The following TEX2 variants were observed in gnomAD, a reference collection of about 807,000 sequenced individuals.
TEX2 encodes testis expressed 2, also known as testis-expressed protein 2.
A neutral mutation model predicts 106.9 loss-of-function variants in TEX2; 53 were observed. That is an observed-to-expected ratio of 0.50 (90% CI 0.40 to 0.62). TEX2 has a LOEUF of 0.62. Among genes scored for constraint, TEX2 ranks in the 20% least tolerant of loss-of-function variants. The pLI, the probability that TEX2 is intolerant of heterozygous loss-of-function variation, is 0.00. For missense variants in TEX2, 1,207 were observed against 1,379.0 expected (o/e 0.88, Z 1.98); for synonymous variants, 523 against 534.8 (o/e 0.98, Z 0.30).
At chr17:64,251,469 ATCT>A (rs1256528266) in intron 1 of TEX2, among the ~76,000 whole-genome samples, 3 of 152,190 alleles carry the variant, frequency 2.0e-5, no homozygotes, top group East Asian at 1.9e-4. Context: ...TTCACAAAAC[ATCT>A]TCTCTCTGGT....
chr17:64,204,973 T>C (rs1336982597), intron 2 of TEX2, among the ~76,000 whole-genome samples: 3 of 152,208 alleles, frequency 2.0e-5, no homozygotes, highest in Non-Finnish European at 1.5e-5. Flanking sequence ...TACTTTTGTC[T>C]GTATTTAATA....
intron 2 of TEX2, among the ~76,000 whole-genome samples, chr17:64,208,321 C>T: frequency 6.6e-6 from 1 of 150,654 alleles, no homozygotes; most frequent in East Asian, 2.0e-4. Flanking sequence ...TCAGTGCAGC[C>T]TTGACCCCCT....
chr17:64,159,350 T>C (rs2030779432), intron 8 of TEX2, among the ~76,000 whole-genome samples: 1 of 152,164 alleles, frequency 6.6e-6, no homozygotes, highest in Admixed American at 6.5e-5. Context: ...GGTGCTTCAT[T>C]TTCTAGGCAG....
intron 2 of TEX2, among the ~76,000 whole-genome samples, chr17:64,209,963 G>C (rs573438472): frequency 6.6e-6 from 1 of 152,222 alleles, no homozygotes; most frequent in Admixed American, 6.5e-5. Flanking sequence ...TTGACACTAA[G>C]TAATTTACAT....
chr17:64,236,516 G>A (rs368668363), intron 1 of TEX2, among the ~76,000 whole-genome samples: 11 of 152,160 alleles, frequency 7.2e-5, no homozygotes, highest in African/African-American at 2.2e-4. Flanking sequence ...CAGCCTGAGC[G>A]ACAGAGTAAG....
At chr17:64,231,175 CACCT>C (rs2033646097) in intron 1 of TEX2, among the ~76,000 whole-genome samples, 2 of 152,350 alleles carry the variant, frequency 1.3e-5, no homozygotes, top group Middle Eastern at 3.4e-3. Context: ...ATCTTTCCCC[CACCT>C]ACTGCCAAAC....
intron 1 of TEX2, among the ~76,000 whole-genome samples, chr17:64,244,969 C>CAAT (rs1478206491): frequency 6.6e-6 from 1 of 152,090 alleles, no homozygotes; most frequent in Admixed American, 6.6e-5. Context: ...ACCCCATTAC[C>CAAT]AATATTCTTT....
At chr17:64,170,020 T>C (rs750048322) in intron 7 of TEX2, among the ~76,000 whole-genome samples, 5 of 152,182 alleles carry the variant, frequency 3.3e-5, no homozygotes, top group Non-Finnish European at 7.3e-5. Flanking sequence ...GTACTAAATT[T>C]TCCCTGTCAA....
At chr17:64,256,691 G>C (rs781915651) in intron 1 of TEX2, among the ~76,000 whole-genome samples, 1 of 152,114 alleles carries the variant, frequency 6.6e-6, no homozygotes, top group Non-Finnish European at 1.5e-5. Flanking sequence ...TGTGCTTTGT[G>C]CAGGAAGGAA....
intron 7 of TEX2, among the ~76,000 whole-genome samples, chr17:64,169,767 GCT>G (rs1332997050): frequency 6.6e-6 from 1 of 152,196 alleles, no homozygotes; most frequent in African/African-American, 2.4e-5. Flanking sequence ...TAGCTTCCAT[GCT>G]CTACAAATTT....
At chr17:64,236,296 G>A (rs2143359404) in intron 1 of TEX2, among the ~76,000 whole-genome samples, 1 of 152,132 alleles carries the variant, frequency 6.6e-6, no homozygotes, top group South Asian at 2.1e-4. Context: ...TATGAGGGCT[G>A]GGCCCAGTGT....
intron 1 of TEX2, among the ~76,000 whole-genome samples, chr17:64,246,328 C>T (rs1195890300): frequency 1.3e-5 from 2 of 152,318 alleles, no homozygotes; most frequent in East Asian, 3.9e-4. Context: ...TCACTGCAAC[C>T]TCTGCCTCCC....
intron 1 of TEX2, among the ~76,000 whole-genome samples, chr17:64,256,502 C>A (rs997097062): frequency 1.3e-5 from 2 of 152,194 alleles, no homozygotes; most frequent in Non-Finnish European, 2.9e-5. Flanking sequence ...AGCCAGACAT[C>A]CACGTTGCTC....
chr17:64,225,814 T>C (rs1555633822), intron 1 of TEX2, among the ~76,000 whole-genome samples: 1 of 151,986 alleles, frequency 6.6e-6, no homozygotes, highest in East Asian at 1.9e-4. Context: ...ACCTCCCGGG[T>C]TCAAGCCATT....
chr17:64,172,441 T>C (rs996188648), intron 6 of TEX2, among the ~76,000 whole-genome samples: 2 of 152,130 alleles, frequency 1.3e-5, no homozygotes, highest in Admixed American at 6.5e-5. Flanking sequence ...CTATCCCCAG[T>C]GGTTGGTCTG....
intron 1 of TEX2, among the ~76,000 whole-genome samples, chr17:64,237,008 G>C (rs562168199): frequency 6.6e-6 from 1 of 152,196 alleles, no homozygotes; most frequent in Admixed American, 6.5e-5. Context: ...AGCTTAGAGA[G>C]GGGTGAGGAG....
chr17:64,164,602 CA>C (rs2031042289), intron 7 of TEX2, among the ~76,000 whole-genome samples: 1 of 152,120 alleles, frequency 6.6e-6, no homozygotes, highest in Non-Finnish European at 1.5e-5. Flanking sequence ...GACACTGTGG[CA>C]AAAATTACAG....
In TEX2 at chr17:64,245,788, G is replaced by A. The variant is rs568574144; in HGVS notation, c.-26+17380C>T. On this transcript the variant is annotated intron_variant, in intron 1 of 11. Transcript: ENST00000584379. Reference sequence around the variant, plus strand: ...ACGAACCAACTGGACAAGACGGAAGGGAGCCCCCAGCACAACAGAGAGCAA... The same window carrying A: ...ACGAACCAACTGGACAAGACGGAAGAGAGCCCCCAGCACAACAGAGAGCAA... Among the ~76,000 whole-genome samples the A allele has an allele frequency of 5.2e-3, 271 of 51,974 alleles. 1 individual carries two copies. The highest frequency in any genetic ancestry group is 0.014 in the African/African-American group (261 of 18,462). The allele number at this position is 51,974 out of a possible 152,430, so 34.1% of individuals were successfully genotyped here.
intron 6 of TEX2, among the ~76,000 whole-genome samples, chr17:64,172,762 A>G (rs1349096886): frequency 6.6e-6 from 1 of 152,026 alleles, no homozygotes; most frequent in Non-Finnish European, 1.5e-5. Context: ...CCCTTCAGCA[A>G]ACTCTCCCCA....
Sources: gnomAD v4.1 joint callset for allele counts (sites outside exome capture counted in the v4.1 genomes callset) on GRCh38, gnomAD v4.1.1 for gene constraint, MANE v1.5 for transcripts, NCBI Gene and HGNC (gene_info 2026-07-23, HGNC 2026-07-21) for gene names.